DDC: variants seen among roughly 807,000 people sequenced by gnomAD.
DDC encodes the protein aromatic-L-amino-acid decarboxylase.
A neutral mutation model predicts 60.0 loss-of-function variants in DDC; 43 were observed. The observed-to-expected ratio is 0.72, with a 90% confidence interval of 0.56 to 0.92. DDC has a LOEUF of 0.92. DDC is among the 40% of genes least tolerant of loss of function. The pLI, the probability that DDC is intolerant of heterozygous loss-of-function variation, is 0.00. For missense variants in DDC, 573 were observed against 620.2 expected, an observed-to-expected ratio of 0.92 and a Z score of 0.81; for synonymous variants, 232 against 234.6, an observed-to-expected ratio of 0.99 and a Z score of 0.10.
intron 10 of DDC, chr7:50,477,469 G>A (rs921431541): frequency 4.4e-6 from 2 of 453,470 alleles, no homozygotes; most frequent in Non-Finnish European, 8.9e-6. Flanking sequence ...CAGTCAACAG[G>A]GGCTGTGGCA....
At chr7:50,516,197 A>G (rs1185151878) in intron 6 of DDC, among the ~76,000 whole-genome samples, 1 of 152,208 alleles carries the variant, frequency 6.6e-6, no homozygotes, top group Non-Finnish European at 1.5e-5. Context: ...ACATCAATAA[A>G]CTTAAGAAAA....
intron 7 of DDC, among the ~76,000 whole-genome samples, chr7:50,502,525 C>A (rs2043283197): frequency 6.6e-6 from 1 of 152,228 alleles, no homozygotes; most frequent in Non-Finnish European, 1.5e-5. Context: ...CTTGGCTGAG[C>A]TGATGAAGGT....
intron 8 of DDC, among the ~76,000 whole-genome samples, chr7:50,496,477 G>A (rs202153943): frequency 1.3e-5 from 2 of 152,186 alleles, no homozygotes; most frequent in East Asian, 1.9e-4. Context: ...GTGAACAACC[G>A]GCTCTGGCTG....
At chr7:50,466,618 A>G (rs2042404552) in intron 13 of DDC, among the ~76,000 whole-genome samples, 1 of 152,042 alleles carries the variant, frequency 6.6e-6, no homozygotes, top group African/African-American at 2.4e-5. Flanking sequence ...CCTTTTTGAG[A>G]ACTGTATCAT....
intron 9 of DDC, among the ~76,000 whole-genome samples, chr7:50,487,746 T>G (rs1585169454): frequency 6.6e-6 from 1 of 152,164 alleles, no homozygotes; most frequent in Non-Finnish European, 1.5e-5. Context: ...ATGACTTAAC[T>G]TTTAATAAAT....
intron 11 of DDC, among the ~76,000 whole-genome samples, chr7:50,471,076 A>G (rs1287027728): frequency 2.0e-5 from 3 of 152,104 alleles, no homozygotes; most frequent in African/African-American, 7.2e-5. Flanking sequence ...CCCCAGTAGG[A>G]GGGCTTGCAG....
chr7:50,493,130 C>T (rs1018069972), intron 9 of DDC: 2 of 785,146 alleles, frequency 2.5e-6, no homozygotes, highest in East Asian at 2.7e-5. Context: ...GTAAAGAGAG[C>T]GTGGCAATGT....
intron 9 of DDC, among the ~76,000 whole-genome samples, chr7:50,489,660 A>G (rs1443471511): frequency 1.3e-5 from 2 of 152,202 alleles, no homozygotes; most frequent in Non-Finnish European, 2.9e-5. Flanking sequence ...CTCTAGGCCC[A>G]GGGACTATCA....
intron 4 of DDC, among the ~76,000 whole-genome samples, chr7:50,533,551 T>A (rs2044287796): frequency 6.6e-6 from 1 of 152,176 alleles, no homozygotes; most frequent in Non-Finnish European, 1.5e-5. Context: ...CGCCTTGGCC[T>A]CCCAAAGTGT....
intron 14 of DDC, among the ~76,000 whole-genome samples, chr7:50,459,132 T>C (rs542378604): frequency 1.1e-3 from 167 of 151,988 alleles, no homozygotes; most frequent in Non-Finnish European, 2.1e-3. Context: ...GGTTTTCGTA[T>C]TTTTTTGGTG....
intron 12 of DDC, 22 bp from the exon 13 acceptor site, chr7:50,467,337 T>C: frequency 6.3e-7 from 1 of 1,596,172 alleles, no homozygotes; most frequent in Admixed American, 1.7e-5. Context: ...AAAGGGAAAA[T>C]CTGTTTTTCT....
chr7:50,477,226 C>G (rs2042665596), intron 10 of DDC, among the ~76,000 whole-genome samples: 1 of 152,112 alleles, frequency 6.6e-6, no homozygotes, highest in Non-Finnish European at 1.5e-5. Flanking sequence ...TTGAGCCTCC[C>G]CTCATGCCTA....
intron 4 of DDC, among the ~76,000 whole-genome samples, chr7:50,534,062 ATAAT>A (rs962607490): frequency 6.6e-5 from 10 of 152,234 alleles, no homozygotes; most frequent in Admixed American, 1.3e-4. Flanking sequence ...CAACCTGTAG[ATAAT>A]TAACATTTAT....
intron 12 of DDC, among the ~76,000 whole-genome samples, chr7:50,467,754 G>A (rs1193564976): frequency 1.3e-5 from 2 of 152,206 alleles, no homozygotes; most frequent in African/African-American, 4.8e-5. Flanking sequence ...CCATTTTGGA[G>A]ATAAGAAAAC....
At chr7:50,545,541 C>T (rs189865110) in intron 1 of DDC, among the ~76,000 whole-genome samples, 9 of 152,312 alleles carry the variant, frequency 5.9e-5, no homozygotes, top group East Asian at 3.9e-4. Flanking sequence ...GGCACGATCT[C>T]GGCTCACTGC....
chr7:50,556,125 G>A (rs892089024), intron 1 of DDC, among the ~76,000 whole-genome samples: 1 of 152,182 alleles, frequency 6.6e-6, no homozygotes, highest in African/African-American at 2.4e-5. Context: ...AAGAGAAAGG[G>A]TTTGGGCAGC....
chr7:50,462,445 A>G (rs1585128336), intron 14 of DDC, among the ~76,000 whole-genome samples: 2 of 152,188 alleles, frequency 1.3e-5, no homozygotes, highest in South Asian at 4.1e-4. Flanking sequence ...GGGTTTAACT[A>G]TGAGGGGTAA....
chr7:50,524,627 A>G (rs1337200602), intron 6 of DDC, among the ~76,000 whole-genome samples: 4 of 152,226 alleles, frequency 2.6e-5, no homozygotes, highest in Non-Finnish European at 5.9e-5. Flanking sequence ...ATATTAATGC[A>G]TATCTATCAA....
At chr7:50,491,871 T>G (rs1470957008) in intron 9 of DDC, among the ~76,000 whole-genome samples, 1 of 152,164 alleles carries the variant, frequency 6.6e-6, no homozygotes, top group African/African-American at 2.4e-5. Context: ...AAAATCATCT[T>G]TGGGGAAAGG....
Sources: gnomAD v4.1 joint callset for allele counts (sites outside exome capture counted in the v4.1 genomes callset) on GRCh38, gnomAD v4.1.1 for gene constraint, MANE v1.5 for transcripts, NCBI Gene and HGNC (gene_info 2026-07-23, HGNC 2026-07-21) for gene names.